CDH17: variants seen among roughly 807,000 people sequenced by gnomAD.
CDH17 encodes the protein cadherin-17.
A neutral mutation model predicts 86.3 loss-of-function variants in CDH17; 67 were observed. The ratio of observed to expected loss-of-function variants is 0.78; its 90% CI spans 0.64 to 0.95. CDH17 has a LOEUF of 0.95. Ranked by LOEUF, CDH17 falls within the 40% of genes least tolerant of loss-of-function variation. The pLI, the probability that CDH17 is intolerant of heterozygous loss-of-function variation, is 0.00. For missense variants in CDH17, 993 were observed against 1,017.6 expected (o/e 0.98, Z 0.33); for synonymous variants, 367 against 366.4 (o/e 1.00, Z -0.02).
At chr8:94,137,482 T>A (rs983416976) in intron 15 of CDH17, among the ~76,000 whole-genome samples, 1 of 152,162 alleles carries the variant, frequency 6.6e-6, no homozygotes, top group Admixed American at 6.5e-5. Context: ...TGCCAGTTGC[T>A]AAGATCTTGG....
chr8:94,196,828 G>T (rs962760359), intron 1 of CDH17, among the ~76,000 whole-genome samples: 1 of 152,080 alleles, frequency 6.6e-6, no homozygotes, highest in Non-Finnish European at 1.5e-5. Flanking sequence ...TCAACACGGC[G>T]GCTCCATCTT....
At chr8:94,215,492 G>C (rs1182906142) in intron 1 of CDH17, among the ~76,000 whole-genome samples, 1 of 152,196 alleles carries the variant, frequency 6.6e-6, no homozygotes, top group Non-Finnish European at 1.5e-5. Flanking sequence ...TTGGGGGGCA[G>C]AGGGGGAATT....
At chr8:94,202,917 G>A (rs1380512722) in intron 1 of CDH17, 4 of 304,772 alleles carry the variant, frequency 1.3e-5, no homozygotes, top group East Asian at 1.1e-4. Flanking sequence ...CCTCCAATGA[G>A]GACAGGATTT....
At chr8:94,170,623 A>C in intron 8 of CDH17, 76 bp from the exon 9 acceptor site, 1 of 1,510,644 alleles carries the variant, frequency 6.6e-7, no homozygotes, top group Non-Finnish European at 9.0e-7. Flanking sequence ...TCGTTGTTTC[A>C]TTTCTATGTC....
chr8:94,161,659 A>G (rs2130620134), intron 11 of CDH17, among the ~76,000 whole-genome samples: 1 of 152,178 alleles, frequency 6.6e-6, no homozygotes, highest in East Asian at 1.9e-4. Context: ...CCTTTCTCTT[A>G]CCCAATTATT....
chr8:94,149,402 G>A (rs1271246381), intron 13 of CDH17, among the ~76,000 whole-genome samples: 1 of 152,092 alleles, frequency 6.6e-6, no homozygotes, highest in African/African-American at 2.4e-5. Flanking sequence ...GTGGGCCAAG[G>A]GAAGAGATCA....
chr8:94,188,510 C>G lies in CDH17; in HGVS notation c.150+677G>C, dbSNP rs777420587. 5.9e-5 allele frequency among the ~76,000 whole-genome samples: 9 copies of G among 152,316 alleles called. No homozygotes were observed. The East Asian group carries it at 1.4e-3, about 23-fold the overall frequency. ...GCTCATCAGCATCCTCCAATCACTT[C>G]AGGGCCAAGTGACTTTCTCAGGGGA... is the stretch of plus-strand genomic sequence containing the variant. On this transcript the variant is annotated intron_variant, in intron 3 of 17. Transcript: ENST00000027335.
At chr8:94,185,276 TACACAC>T (rs71277462) in intron 3 of CDH17, among the ~76,000 whole-genome samples, 2,883 of 136,832 alleles carry the variant, frequency 0.021, 85 homozygotes, top group African/African-American at 0.071. Context: ...CCTACCCCAA[TACACAC>T]ACACACACAC....
At chr8:94,133,121 T>G (rs1812452413) in intron 15 of CDH17, among the ~76,000 whole-genome samples, 1 of 152,196 alleles carries the variant, frequency 6.6e-6, no homozygotes, top group Non-Finnish European at 1.5e-5. Flanking sequence ...GCATTGTTCT[T>G]TTTGCTTAGG....
At chr8:94,167,277 C>G (rs1813175458) in intron 9 of CDH17, among the ~76,000 whole-genome samples, 1 of 152,096 alleles carries the variant, frequency 6.6e-6, no homozygotes, top group Non-Finnish European at 1.5e-5. Flanking sequence ...CTGACAGGTT[C>G]CAGACCATCC....
chr8:94,136,300 A>G (rs1173625785), intron 15 of CDH17, among the ~76,000 whole-genome samples: 1 of 152,148 alleles, frequency 6.6e-6, no homozygotes, highest in East Asian at 1.9e-4. Context: ...CCAATTAGAC[A>G]TAGATTTGGT....
intron 14 of CDH17, among the ~76,000 whole-genome samples, chr8:94,148,414 T>G (rs368845476): frequency 8.6e-5 from 13 of 151,622 alleles, no homozygotes; most frequent in African/African-American, 2.4e-4. Context: ...TGGTGGTGGG[T>G]GCCTGTAATC....
chr8:94,147,172 G>C (rs1310103997), intron 14 of CDH17, among the ~76,000 whole-genome samples: 1 of 152,128 alleles, frequency 6.6e-6, no homozygotes, highest in Non-Finnish European at 1.5e-5. Context: ...TATGAGAAAG[G>C]GGTGTGCACA....
chr8:94,132,588 T>A (rs1050732779), intron 15 of CDH17, among the ~76,000 whole-genome samples: 1 of 152,238 alleles, frequency 6.6e-6, no homozygotes, highest in African/African-American at 2.4e-5. Flanking sequence ...ATGGGTAGAT[T>A]GCAGAAATGT....
intron 15 of CDH17, among the ~76,000 whole-genome samples, chr8:94,141,942 T>G (rs1466541836): frequency 1.3e-5 from 2 of 152,182 alleles, no homozygotes; most frequent in African/African-American, 4.8e-5. Context: ...TTAATCTACC[T>G]GATTTCAAGC....
chr8:94,162,881 G>A (rs13256327), intron 10 of CDH17, among the ~76,000 whole-genome samples: 35,212 of 152,060 alleles, frequency 0.23, 4,489 homozygotes, highest in Non-Finnish European at 0.3. Context: ...GAGAACAAGA[G>A]ATAAAATGAC....
chr8:94,142,479 G>A (rs970460762), intron 15 of CDH17, among the ~76,000 whole-genome samples: 1 of 152,180 alleles, frequency 6.6e-6, no homozygotes, highest in South Asian at 2.1e-4. Flanking sequence ...AGGCTGGGAT[G>A]GCTGTGGCAA....
At chr8:94,139,662 G>A (rs1235866467) in intron 15 of CDH17, among the ~76,000 whole-genome samples, 1 of 152,142 alleles carries the variant, frequency 6.6e-6, no homozygotes, top group East Asian at 1.9e-4. Flanking sequence ...CAGCACTTTG[G>A]GAGGCTGGGG....
At chr8:94,135,976 T>G (rs1340413126) in intron 15 of CDH17, among the ~76,000 whole-genome samples, 1 of 152,228 alleles carries the variant, frequency 6.6e-6, no homozygotes, top group Non-Finnish European at 1.5e-5. Context: ...ACGTTGAATA[T>G]TGGCCCCCAC....
Sources: gnomAD v4.1 joint callset for allele counts (sites outside exome capture counted in the v4.1 genomes callset) on GRCh38, gnomAD v4.1.1 for gene constraint, MANE v1.5 for transcripts, NCBI Gene and HGNC (gene_info 2026-07-23, HGNC 2026-07-21) for gene names.